SDK1: variants seen among roughly 807,000 people sequenced by gnomAD.
The protein encoded by SDK1 is protein sidekick-1.
SDK1 carries 157 observed loss-of-function variants against 245.5 expected under a neutral mutation model. The observed-to-expected ratio is 0.64, with a 90% confidence interval of 0.56 to 0.73. The LOEUF (loss-of-function observed/expected upper bound fraction) is 0.73. Ranked by LOEUF, SDK1 falls within the 30% of genes least tolerant of loss-of-function variation. SDK1 has a pLI of 0.00. For synonymous variants in SDK1, 1,647 were observed against 1,278.5 expected (o/e 1.29, Z -6.15); for missense variants, 3,583 against 3,002.3 (o/e 1.19, Z -4.52).
intron 1 of SDK1, among the ~76,000 whole-genome samples, chr7:3,533,473 T>C (rs1186463692): frequency 6.6e-6 from 1 of 152,220 alleles, no homozygotes; most frequent in Non-Finnish European, 1.5e-5. Flanking sequence ...CTCCAGGCAG[T>C]AAGGGCTTAT....
At chr7:3,371,585 G>A (rs180746506) in intron 1 of SDK1, among the ~76,000 whole-genome samples, 4 of 152,284 alleles carry the variant, frequency 2.6e-5, no homozygotes, top group Non-Finnish European at 5.9e-5. Context: ...AACCAAAACT[G>A]CAATGAGACT....
intron 1 of SDK1, among the ~76,000 whole-genome samples, chr7:3,576,170 A>G (rs2614972): frequency 6.6e-6 from 1 of 152,052 alleles, no homozygotes; most frequent in Non-Finnish European, 1.5e-5. Flanking sequence ...TGTGCTTTGG[A>G]TCTCTTAAGG....
intron 1 of SDK1, among the ~76,000 whole-genome samples, chr7:3,416,657 T>C (rs1037441540): frequency 1.3e-5 from 2 of 152,138 alleles, no homozygotes; most frequent in African/African-American, 4.8e-5. Context: ...AGGTTTGCTC[T>C]GTGAACCTGG....
At chr7:3,632,958 A>G (rs563776640) in intron 2 of SDK1, among the ~76,000 whole-genome samples, 16 of 152,344 alleles carry the variant, frequency 1.1e-4, no homozygotes, top group South Asian at 4.1e-4. Context: ...AATTTCATGT[A>G]GAAAACTTAC....
intron 30 of SDK1, among the ~76,000 whole-genome samples, chr7:4,151,443 C>T (rs1017149826): frequency 6.6e-6 from 1 of 152,222 alleles, no homozygotes; most frequent in South Asian, 2.1e-4. Context: ...CTGGTGAGGT[C>T]CGTATGCTGG....
intron 17 of SDK1, among the ~76,000 whole-genome samples, chr7:4,038,339 C>T (rs1411355603): frequency 2.0e-5 from 3 of 152,170 alleles, no homozygotes; most frequent in Non-Finnish European, 2.9e-5. Context: ...AAACTCTTCA[C>T]GCCCAGAGTC....
At chr7:3,391,485 C>T (rs1040840114) in intron 1 of SDK1, among the ~76,000 whole-genome samples, 2 of 151,492 alleles carry the variant, frequency 1.3e-5, no homozygotes, top group South Asian at 2.1e-4. Flanking sequence ...TTTTCCTTTA[C>T]GTTTTCTGTT....
chr7:3,525,187 G>A (rs1380456381), intron 1 of SDK1, among the ~76,000 whole-genome samples: 1 of 152,022 alleles, frequency 6.6e-6, no homozygotes, highest in Non-Finnish European at 1.5e-5. Context: ...CTGAGGTTTT[G>A]GGTATTCTTG....
intron 1 of SDK1, among the ~76,000 whole-genome samples, chr7:3,345,138 G>A (rs996740398): frequency 3.3e-5 from 5 of 152,178 alleles, no homozygotes; most frequent in Non-Finnish European, 5.9e-5. Context: ...CTGCATTGAA[G>A]TACACAGAGG....
intron 5 of SDK1, among the ~76,000 whole-genome samples, chr7:3,863,825 C>T (rs1170972353): frequency 6.6e-6 from 1 of 152,188 alleles, no homozygotes. Context: ...TTGGTTTATC[C>T]ACTTATTCCC....
chr7:3,658,762 C>G (rs1562636949), intron 4 of SDK1, among the ~76,000 whole-genome samples: 1 of 152,012 alleles, frequency 6.6e-6, no homozygotes, highest in Non-Finnish European at 1.5e-5. Flanking sequence ...CTACAGACAC[C>G]TGCCACCACA....
chr7:4,123,659 G>C (rs1264413744), intron 25 of SDK1, among the ~76,000 whole-genome samples: 1 of 152,224 alleles, frequency 6.6e-6, no homozygotes, highest in Non-Finnish European at 1.5e-5. Context: ...GAAGCACTGA[G>C]TAACTGAATG....
At chr7:3,800,091 G>A (rs1390272722) in intron 4 of SDK1, among the ~76,000 whole-genome samples, 1 of 152,008 alleles carries the variant, frequency 6.6e-6, no homozygotes, top group Non-Finnish European at 1.5e-5. Context: ...TGTGGGTTTG[G>A]CTCTCAGTCT....
intron 4 of SDK1, among the ~76,000 whole-genome samples, chr7:3,679,897 C>G (rs543429971): frequency 4.6e-4 from 70 of 152,324 alleles, no homozygotes; most frequent in Non-Finnish European, 7.5e-4. Context: ...ATCGGTCACA[C>G]TTCTTAGCAT....
intron 5 of SDK1, among the ~76,000 whole-genome samples, chr7:3,867,071 G>A (rs547155455): frequency 2.2e-4 from 34 of 152,242 alleles, no homozygotes; most frequent in East Asian, 9.7e-4. Context: ...TTCATTCCCC[G>A]TGCTAATGGA....
At chr7:3,802,524 G>A (rs1242600209) in intron 4 of SDK1, among the ~76,000 whole-genome samples, 1 of 150,996 alleles carries the variant, frequency 6.6e-6, no homozygotes, top group Non-Finnish European at 1.5e-5. Context: ...AGCAGAATGA[G>A]ACCCTATATC....
intron 37 of SDK1, among the ~76,000 whole-genome samples, chr7:4,209,036 G>A (rs374078173): frequency 1.2e-3 from 179 of 152,312 alleles, no homozygotes; most frequent in African/African-American, 4.1e-3. Context: ...AGGGCCTTCC[G>A]ACATTCCATG....
At chr7:4,075,636 C>T (rs118059928) in intron 20 of SDK1, among the ~76,000 whole-genome samples, 1 of 151,176 alleles carries the variant, frequency 6.6e-6, no homozygotes, top group African/African-American at 2.4e-5. Flanking sequence ...GATTCAGGAG[C>T]TAGTTGGGTC....
intron 1 of SDK1, among the ~76,000 whole-genome samples, chr7:3,388,141 C>G (rs948168353): frequency 6.6e-6 from 1 of 152,104 alleles, no homozygotes; most frequent in Non-Finnish European, 1.5e-5. Context: ...GTGACTGTGA[C>G]CAGAGTAGCT....
Sources: gnomAD v4.1 joint callset for allele counts (sites outside exome capture counted in the v4.1 genomes callset) on GRCh38, gnomAD v4.1.1 for gene constraint, MANE v1.5 for transcripts, NCBI Gene and HGNC (gene_info 2026-07-23, HGNC 2026-07-21) for gene names.